The following SSH2 variants were observed in gnomAD, a reference collection of about 807,000 sequenced individuals.
SSH2 encodes slingshot protein phosphatase 2, also known as protein phosphatase Slingshot homolog 2.
SSH2 carries 37 observed loss-of-function variants against 135.2 expected under a neutral mutation model. The ratio of observed to expected loss-of-function variants is 0.27; its 90% CI spans 0.21 to 0.36. The LOEUF is 0.36. SSH2 is among the 10% of genes least tolerant of loss of function. SSH2 has a pLI of 1.00. For missense variants in SSH2, 1,408 were observed against 1,765.3 expected, an observed-to-expected ratio of 0.80 and a Z score of 3.63; for synonymous variants, 628 against 646.2, an observed-to-expected ratio of 0.97 and a Z score of 0.43.
chr17:29,797,814 G>C (rs2042183481), intron 2 of SSH2, among the ~76,000 whole-genome samples: 1 of 152,172 alleles, frequency 6.6e-6, no homozygotes, highest in Non-Finnish European at 1.5e-5. Context: ...GTTGAGTCCA[G>C]AAGTTTGAAG....
chr17:29,820,755 G>C (rs914435497), intron 2 of SSH2, among the ~76,000 whole-genome samples: 8 of 152,126 alleles, frequency 5.3e-5, no homozygotes, highest in African/African-American at 1.9e-4. Flanking sequence ...ACCTCAACCA[G>C]AGGCCATGAA....
intron 2 of SSH2, among the ~76,000 whole-genome samples, chr17:29,812,683 G>C (rs550581615): frequency 2.9e-4 from 44 of 152,286 alleles, no homozygotes; most frequent in African/African-American, 1.1e-3. Context: ...GAGGTCAGGA[G>C]ATCGAGACCA....
intron 1 of SSH2, among the ~76,000 whole-genome samples, chr17:29,868,755 C>CT (rs1246273126): frequency 1.4e-5 from 2 of 147,412 alleles, no homozygotes; most frequent in Non-Finnish European, 3.0e-5. Context: ...AAAAAAAAAA[C>CT]TCAGTTCCCA....
At chr17:29,708,058 A>G (rs1294443303) in intron 3 of SSH2, among the ~76,000 whole-genome samples, 1 of 152,228 alleles carries the variant, frequency 6.6e-6, no homozygotes, top group African/African-American at 2.4e-5. Flanking sequence ...TGGAAGTGAT[A>G]AAACAAAATT....
At chr17:29,788,201 G>T (rs1048955127) in intron 3 of SSH2, among the ~76,000 whole-genome samples, 2 of 152,068 alleles carry the variant, frequency 1.3e-5, no homozygotes, top group African/African-American at 4.8e-5. Flanking sequence ...ATTATTCTCG[G>T]CTTATCTGTG....
intron 2 of SSH2, among the ~76,000 whole-genome samples, chr17:29,831,248 C>G (rs1257079108): frequency 2.0e-5 from 3 of 150,014 alleles, no homozygotes; most frequent in African/African-American, 7.5e-5. Context: ...TTGAACACGT[C>G]TGCAGACATA....
At position 29,671,950 on chromosome 17, in the gene SSH2, G is replaced by A; in HGVS notation, c.794C>T (p.Ala265Val). Residue 265 changes from alanine to valine, a missense_variant, in exon 9 of 16, where the codon GCT becomes GTT. This residue lies in a region of SSH2 where 222 missense variants were observed against 355.6 expected (regional missense o/e 0.62). Transcript: ENST00000540801. The stretch of plus-strand genomic sequence containing the variant: ...ACTGACTTACATGTCGGTGAAGAGA[G>A]CTGGAGAGTCGGGCCGGTGGGACTG... ...DVQSHRPDSP[A>V]LFTDIPTERE... The A allele has an allele frequency of 6.2e-7, 1 of 1,613,624 alleles. No individual in the cohort carries two copies. The highest frequency in any genetic ancestry group is 2.2e-5 in the East Asian group (1 of 44,888).
intron 14 of SSH2, among the ~76,000 whole-genome samples, chr17:29,642,896 T>C (rs1485919451): frequency 6.6e-6 from 1 of 152,226 alleles, no homozygotes; most frequent in Non-Finnish European, 1.5e-5. Context: ...AACAGAGAGC[T>C]GCCACCTCAA....
At chr17:29,790,995 T>C (rs2042055346) in intron 3 of SSH2, among the ~76,000 whole-genome samples, 1 of 152,134 alleles carries the variant, frequency 6.6e-6, no homozygotes. Flanking sequence ...CCCAAAGTGC[T>C]GGGATTACAG....
At chr17:29,904,473 A>C (rs1456731440) in intron 1 of SSH2, among the ~76,000 whole-genome samples, 1 of 152,206 alleles carries the variant, frequency 6.6e-6, no homozygotes, top group Admixed American at 6.5e-5. Flanking sequence ...AAAAACTCTC[A>C]ATAAACTAGG....
intron 3 of SSH2, among the ~76,000 whole-genome samples, chr17:29,763,237 T>G (rs2041364825): frequency 6.6e-6 from 1 of 152,176 alleles, no homozygotes; most frequent in Non-Finnish European, 1.5e-5. Context: ...GTTTCTGAGA[T>G]ATCTGGTAAT....
At chr17:29,709,009 TATATATAGAGAGAGAGAG>T (rs2039328071) in intron 3 of SSH2, among the ~76,000 whole-genome samples, 2 of 103,080 alleles carry the variant, frequency 1.9e-5, no homozygotes, top group African/African-American at 6.5e-5. Flanking sequence ...TATATATATA[TATATATAGAGAGAGAGAG>T]AGAGAGAGAG....
At chr17:29,805,393 G>C (rs2042326176) in intron 2 of SSH2, among the ~76,000 whole-genome samples, 1 of 152,010 alleles carries the variant, frequency 6.6e-6, no homozygotes, top group Non-Finnish European at 1.5e-5. Flanking sequence ...CTGACCTCGT[G>C]ATCCGCTCAC....
At chr17:29,765,893 G>T (rs189495449) in intron 3 of SSH2, among the ~76,000 whole-genome samples, 1 of 151,838 alleles carries the variant, frequency 6.6e-6, no homozygotes, top group East Asian at 1.9e-4. Context: ...GCTGGTGGGC[G>T]CCTGTAATCT....
chr17:29,887,032 G>C (rs901467042), intron 1 of SSH2, among the ~76,000 whole-genome samples: 4 of 152,088 alleles, frequency 2.6e-5, no homozygotes, highest in African/African-American at 9.7e-5. Context: ...TGAAAAGATT[G>C]ACCAGAGCCA....
chr17:29,649,547 C>G (rs1179289162), intron 13 of SSH2, among the ~76,000 whole-genome samples: 1 of 151,906 alleles, frequency 6.6e-6, no homozygotes, highest in Non-Finnish European at 1.5e-5. Context: ...CCACTGTGAC[C>G]GGCTAATTAA....
chr17:29,775,840 C>G (rs1481032190), intron 3 of SSH2: 1 of 152,162 alleles, frequency 6.6e-6, no homozygotes, highest in Admixed American at 6.5e-5. Flanking sequence ...AAAAATTCTT[C>G]AAATGCTTCA....
chr17:29,659,502 T>C (rs963215894), intron 11 of SSH2, among the ~76,000 whole-genome samples: 8 of 152,206 alleles, frequency 5.3e-5, no homozygotes, highest in African/African-American at 1.7e-4. Context: ...TATCTGTTCA[T>C]ATCTTCTGAA....
chr17:29,644,591 G>A (rs1407494600), intron 14 of SSH2, among the ~76,000 whole-genome samples: 4 of 152,068 alleles, frequency 2.6e-5, no homozygotes, highest in African/African-American at 9.7e-5. Flanking sequence ...GGCAGATCAC[G>A]AGGTCAAGAG....
Sources: gnomAD v4.1 joint callset for allele counts (sites outside exome capture counted in the v4.1 genomes callset) on GRCh38, gnomAD v4.1.1 for gene constraint, gnomAD v4.1.1 regional missense constraint, MANE v1.5 for transcripts, NCBI Gene and HGNC (gene_info 2026-07-23, HGNC 2026-07-21) for gene names.